Variants in BBOF1 observed in about 807,000 individuals in gnomAD.
The protein encoded by BBOF1 is basal body orientation factor 1.
A neutral mutation model predicts 68.0 loss-of-function variants in BBOF1; 62 were observed. The observed-to-expected ratio is 0.91, with a 90% CI of 0.74 to 1.13. The LOEUF is 1.13. Among genes scored for constraint, BBOF1 ranks in the 50% most tolerant of loss-of-function variants. The probability of loss-of-function intolerance (pLI) is 0.00; values close to 1 mark genes in which losing one functional copy is unlikely to be tolerated. For synonymous variants in BBOF1, 208 were observed against 198.8 expected (o/e 1.05, Z -0.39); for missense variants, 534 against 600.1 (o/e 0.89, Z 1.15).
chr14:74,059,825 C>A (rs1223591873), intron 11 of BBOF1: 1 of 154,696 alleles, frequency 6.5e-6, no homozygotes, highest in African/African-American at 2.4e-5. Flanking sequence ...CCATTGCTTA[C>A]TGAGGTATCC....
chr14:74,043,556 CAAAAAAAAAAAAAAAAAA>C (rs1162364604), intron 5 of BBOF1, among the ~76,000 whole-genome samples: 1 of 26,824 alleles, frequency 3.7e-5, no homozygotes, highest in Non-Finnish European at 7.2e-5. Flanking sequence ...GACTCCGTCT[CAAAAAAAAAAAAAAAAAA>C]AAAAAAAAAA....
chr14:74,046,226 C>G, intron 6 of BBOF1, 96 bp downstream of exon 6: 2 of 1,129,384 alleles, frequency 1.8e-6, no homozygotes, highest in Non-Finnish European at 2.5e-6. Context: ...CCCTTCTGTT[C>G]TGGCTTACTT....
At chr14:74,048,213 T>C (rs1226571630) in intron 7 of BBOF1, 139 bp downstream of exon 7, 2 of 713,364 alleles carry the variant, frequency 2.8e-6, no homozygotes, top group African/African-American at 1.8e-5. Flanking sequence ...ACTTTTTTTA[T>C]CTGAAAAGGT....
Position 74,028,638 on chromosome 14 carries a change from G to A in BBOF1, c.286-546G>A, listed in dbSNP as rs571361785. ...CTCACACCTATAATCCCAGCACTTA[G>A]GCCAAGGCAGGGGGATCACTTGAGC... On this transcript the variant is annotated intron_variant, in intron 2 of 11. Transcript: ENST00000394009. Among the ~76,000 whole-genome samples, 17 of 152,006 alleles carry A rather than the reference G, an allele frequency of 1.1e-4. No homozygotes were observed. In the East Asian group the frequency reaches 3.1e-3, roughly 28 times the overall value.
At chr14:74,060,315 C>T (rs1566823931) in intron 11 of BBOF1, 2 of 311,796 alleles carry the variant, frequency 6.4e-6, no homozygotes, top group East Asian at 1.4e-4. Context: ...ATTTTCTTTA[C>T]ATACACTGGC....
chr14:74,062,151 T>C (rs1220498188), intron 11 of BBOF1, among the ~76,000 whole-genome samples: 1 of 149,776 alleles, frequency 6.7e-6, no homozygotes, highest in Non-Finnish European at 1.5e-5. Flanking sequence ...GAGCCGAGAA[T>C]GCACCATTGC....
At chr14:74,055,082 G>A (rs1334604247) in intron 8 of BBOF1, 1 of 154,572 alleles carries the variant, frequency 6.5e-6, no homozygotes, top group African/African-American at 2.4e-5. Context: ...GGATTGGCTA[G>A]TATATTGTTG....
chr14:74,061,604 G>GCATGAGCCA (rs1463830795), intron 11 of BBOF1, among the ~76,000 whole-genome samples: 2 of 152,122 alleles, frequency 1.3e-5, no homozygotes, highest in African/African-American at 2.4e-5. Context: ...GGGATCACAG[G>GCATGAGCCA]CATGAGCCAC....
At chr14:74,071,659 C>T in intron 9 of BBOF1, 1 of 1,529,466 alleles carries the variant, frequency 6.5e-7, no homozygotes, top group Non-Finnish European at 8.8e-7. Flanking sequence ...AAATGAGATT[C>T]TCTGAATGGG....
intron 3 of BBOF1, chr14:74,031,841 C>T (rs979075302): frequency 3.3e-5 from 5 of 152,126 alleles, no homozygotes; most frequent in African/African-American, 1.2e-4. Flanking sequence ...ATAGCAGTCC[C>T]TTTTTGATGG....
intron 2 of BBOF1, among the ~76,000 whole-genome samples, chr14:74,027,204 G>A (rs1168658686): frequency 2.0e-5 from 3 of 146,382 alleles, no homozygotes; most frequent in Non-Finnish European, 4.5e-5. Context: ...TCCTGCCTCA[G>A]CATCCTGAGT....
chr14:74,021,801 G>A (rs2059305904), intron 1 of BBOF1, among the ~76,000 whole-genome samples: 1 of 152,028 alleles, frequency 6.6e-6, no homozygotes, highest in African/African-American at 2.4e-5. Context: ...CAGCTACTCG[G>A]GAGGCTGAGG....
chr14:74,057,872 T>G, intron 11 of BBOF1: 1 of 1,036,274 alleles, frequency 9.6e-7, no homozygotes, highest in East Asian at 9.3e-5. Flanking sequence ...TTGTTTCTAA[T>G]TAGAGCATCA....
chr14:74,030,542 C>G (rs1283334617), intron 3 of BBOF1, among the ~76,000 whole-genome samples: 2 of 151,886 alleles, frequency 1.3e-5, no homozygotes, highest in Non-Finnish European at 2.9e-5. Context: ...GTCGCCCAGG[C>G]TGGAGTGCAG....
At chr14:74,026,215 G>A (rs1293211586) in intron 2 of BBOF1, among the ~76,000 whole-genome samples, 2 of 151,564 alleles carry the variant, frequency 1.3e-5, no homozygotes, top group African/African-American at 4.8e-5. Context: ...GTCCAAGGCG[G>A]GTGGATTACT....
chr14:74,069,065 G>T, downstream of BBOF1: 3 of 1,251,692 alleles, frequency 2.4e-6, no homozygotes, highest in Non-Finnish European at 2.3e-6. Flanking sequence ...CACTGCTATG[G>T]ATTTGAAGTT....
chr14:74,024,323 G>A (rs1313294843), intron 2 of BBOF1, among the ~76,000 whole-genome samples: 2 of 152,236 alleles, frequency 1.3e-5, no homozygotes, highest in Non-Finnish European at 1.5e-5. Flanking sequence ...AGGCGTGGCA[G>A]TGTGCACCTG....
In BBOF1 at chr14:74,049,845, A is replaced by G; in HGVS notation, c.936A>G (p.Lys312=). 1 of 1,614,152 alleles carries G rather than the reference A, an allele frequency of 6.2e-7. No homozygotes were observed. Among genetic ancestry groups the G allele is most frequent in the South Asian group, 1.1e-5 (1 of 91,084 alleles). The change falls in exon 8 of 12, where the codon AAA becomes AAG. Residue 312 remains lysine (K), a synonymous_variant. Transcript: ENST00000394009. ...MTKEFESEVL[K]LQQHAMIENQ... is the part of the protein sequence containing the mutation. ...AAGAGTTTGAGAGTGAAGTTTTAAA[A>G]CTGCAGCAACACGCAATGATAGAGA...
At chr14:74,021,732 C>T (rs1013098636) in intron 1 of BBOF1, among the ~76,000 whole-genome samples, 1 of 152,030 alleles carries the variant, frequency 6.6e-6, no homozygotes, top group Non-Finnish European at 1.5e-5. Flanking sequence ...ACGGTGAAAC[C>T]CCGTCTCTAC....
Sources: gnomAD v4.1 joint callset for allele counts (sites outside exome capture counted in the v4.1 genomes callset) on GRCh38, gnomAD v4.1.1 for gene constraint, MANE v1.5 for transcripts, NCBI Gene and HGNC (gene_info 2026-07-23, HGNC 2026-07-21) for gene names.